The following ASTN2 variants were observed in gnomAD, a reference collection of about 807,000 sequenced individuals.
ASTN2 encodes the protein astrotactin-2.
ASTN2 carries 54 observed loss-of-function variants against 139.8 expected under a neutral mutation model. That is an observed-to-expected ratio of 0.39 (90% CI 0.31 to 0.48). The LOEUF (loss-of-function observed/expected upper bound fraction) is 0.48, where lower values mean the gene tolerates loss of function less well. Among genes scored for constraint, ASTN2 ranks in the 20% least tolerant of loss-of-function variants. The pLI, the probability that ASTN2 is intolerant of heterozygous loss-of-function variation, is 0.95. For missense variants in ASTN2, 1,565 were observed against 1,725.1 expected (o/e 0.91, Z 1.64); for synonymous variants, 756 against 719.5 (o/e 1.05, Z -0.81).
chr9:116,709,910 C>T (rs542847563), intron 16 of ASTN2, among the ~76,000 whole-genome samples: 1 of 152,306 alleles, frequency 6.6e-6, no homozygotes, highest in South Asian at 2.1e-4. Flanking sequence ...TTTACCTAAA[C>T]AAGTTCAAGT....
intron 3 of ASTN2, among the ~76,000 whole-genome samples, chr9:117,188,182 G>A (rs577168783): frequency 1.5e-5 from 1 of 67,336 alleles, no homozygotes; most frequent in African/African-American, 5.3e-5. Flanking sequence ...GAGAGAGAGA[G>A]AGAGAGAGAG....
At chr9:116,971,986 G>A (rs7029688) in intron 10 of ASTN2, among the ~76,000 whole-genome samples, 8,892 of 152,138 alleles carry the variant, frequency 0.058, 407 homozygotes, top group African/African-American at 0.13. Context: ...TAAACTTTAT[G>A]TTTAATCAAA....
At chr9:116,703,437 G>A (rs557356168) in intron 16 of ASTN2, among the ~76,000 whole-genome samples, 6 of 152,144 alleles carry the variant, frequency 3.9e-5, no homozygotes, top group African/African-American at 1.4e-4. Context: ...GGACATGGAT[G>A]AAATTGGAAA....
chr9:116,800,282 T>A (rs534699610), intron 13 of ASTN2, among the ~76,000 whole-genome samples: 1 of 152,300 alleles, frequency 6.6e-6, no homozygotes, highest in African/African-American at 2.4e-5. Context: ...TGACATAGAC[T>A]GTTCTTTAGT....
intron 16 of ASTN2, among the ~76,000 whole-genome samples, chr9:116,679,824 A>G (rs1470081203): frequency 6.6e-6 from 1 of 152,198 alleles, no homozygotes; most frequent in East Asian, 1.9e-4. Context: ...TTTGAAACCA[A>G]TGAGAACAAA....
At chr9:117,123,563 G>A (rs1401904260) in intron 4 of ASTN2, among the ~76,000 whole-genome samples, 1 of 152,108 alleles carries the variant, frequency 6.6e-6, no homozygotes, top group Non-Finnish European at 1.5e-5. Flanking sequence ...TGATAAATAA[G>A]AATACAATGA....
chr9:116,998,565 C>CCATCCATCCATA (rs916525786), intron 7 of ASTN2, among the ~76,000 whole-genome samples: 6 of 151,980 alleles, frequency 3.9e-5, no homozygotes, highest in Admixed American at 1.3e-4. Context: ...ATCCATCCAT[C>CCATCCATCCATA]CATCCATACA....
At chr9:117,411,945 G>T (rs886692474) in intron 1 of ASTN2, among the ~76,000 whole-genome samples, 1 of 151,832 alleles carries the variant, frequency 6.6e-6, no homozygotes, top group Admixed American at 6.6e-5. Flanking sequence ...GAAAGAGATG[G>T]CCATAAATGT....
rs189336860 is a variant in ASTN2 at position 116,934,205 on chromosome 9, C to T, written c.1889+41003G>A. Reference sequence around the variant, plus strand: ...GAGAAGCTACTGCTCCAAAGAGGTGCCTCGATGCCTTGGATCAAAGAAGCC... The same window carrying T: ...GAGAAGCTACTGCTCCAAAGAGGTGTCTCGATGCCTTGGATCAAAGAAGCC... On this transcript the variant is annotated intron_variant, in intron 10 of 22. Transcript: ENST00000313400. Among the ~76,000 whole-genome samples the T allele has an allele frequency of 3.9e-4, 60 of 152,036 alleles. 1 individual carries two copies. Among genetic ancestry groups the T allele is most frequent in the Admixed American group, 3.3e-3 (51 of 15,254 alleles).
chr9:116,937,208 A>T lies in ASTN2; in HGVS notation c.1889+38000T>A, dbSNP rs534140789. ...GCTTTCATGGTTTCAGATTGCCTTC[A>T]GGAGAAAGACAGGACCCCTGAACAT... is the stretch of plus-strand genomic sequence containing the variant. On this transcript the variant is annotated intron_variant, in intron 10 of 22. Coordinates refer to ENST00000313400, the MANE Select transcript of ASTN2 (RefSeq NM_001365068.1). Among the ~76,000 whole-genome samples the T allele has an allele frequency of 7.7e-4, 117 of 152,274 alleles. 1 individual carries two copies. The highest frequency in any genetic ancestry group is 2.0e-3 in the Admixed American group (31 of 15,310).
chr9:116,444,190 G>A (rs1847920470), intron 20 of ASTN2, among the ~76,000 whole-genome samples: 1 of 152,080 alleles, frequency 6.6e-6, no homozygotes. Context: ...TTTAAACCTT[G>A]GTTTCTCAGA....
At chr9:117,133,723 G>A (rs968300941) in intron 4 of ASTN2, among the ~76,000 whole-genome samples, 3 of 152,166 alleles carry the variant, frequency 2.0e-5, no homozygotes, top group African/African-American at 7.2e-5. Flanking sequence ...GGTTGTCAAA[G>A]TTTGGAGGAG....
At chr9:116,616,824 TCA>T (rs1199484148) in intron 19 of ASTN2, among the ~76,000 whole-genome samples, 2 of 150,836 alleles carry the variant, frequency 1.3e-5, no homozygotes, top group African/African-American at 2.5e-5. Context: ...ACCCACCCAT[TCA>T]CAGACAGTGG....
intron 20 of ASTN2, among the ~76,000 whole-genome samples, chr9:116,446,186 A>G (rs1288101674): frequency 6.6e-6 from 1 of 151,652 alleles, no homozygotes; most frequent in Non-Finnish European, 1.5e-5. Flanking sequence ...AAGCAAATCC[A>G]TACAGCAGGA....
intron 19 of ASTN2, among the ~76,000 whole-genome samples, chr9:116,599,843 T>A (rs2131753115): frequency 6.6e-6 from 1 of 152,302 alleles, no homozygotes; most frequent in South Asian, 2.1e-4. Context: ...ACTTTACAAC[T>A]GTACCCCTTT....
At chr9:116,568,024 C>T (rs1240647937) in intron 19 of ASTN2, among the ~76,000 whole-genome samples, 1 of 152,104 alleles carries the variant, frequency 6.6e-6, no homozygotes, top group Non-Finnish European at 1.5e-5. Context: ...TGTAAAGATG[C>T]GATTAAACAG....
intron 6 of ASTN2, among the ~76,000 whole-genome samples, chr9:117,018,234 T>C (rs1475965074): frequency 1.3e-5 from 2 of 152,106 alleles, no homozygotes; most frequent in Admixed American, 1.3e-4. Flanking sequence ...AATGAATGAG[T>C]GCACCTTGTG....
At chr9:116,792,969 A>G (rs1386064211) in intron 13 of ASTN2, among the ~76,000 whole-genome samples, 2 of 152,166 alleles carry the variant, frequency 1.3e-5, no homozygotes, top group East Asian at 3.9e-4. Flanking sequence ...GAGAAAGGGG[A>G]CAAGGGTTAA....
At chr9:117,284,540 T>A (rs1564125802) in intron 2 of ASTN2, among the ~76,000 whole-genome samples, 1 of 152,240 alleles carries the variant, frequency 6.6e-6, no homozygotes, top group Non-Finnish European at 1.5e-5. Flanking sequence ...CTGGAGCAGA[T>A]CTTTCCCTGG....
Sources: allele counts gnomAD v4.1 joint callset (sites outside exome capture counted in the v4.1 genomes callset), GRCh38; gene constraint gnomAD v4.1.1; transcripts MANE v1.5; gene names NCBI Gene and HGNC (gene_info 2026-07-23, HGNC 2026-07-21).